Variants in LPA observed in about 807,000 individuals in gnomAD.
LPA encodes the protein lipoprotein(a), also known as apolipoprotein(a).
Under a neutral mutation model 197.9 loss-of-function variants are expected in LPA, and 199 were observed. The observed-to-expected ratio is 1.01, with a 90% confidence interval of 0.90 to 1.13. The LOEUF (loss-of-function observed/expected upper bound fraction) is 1.13, where lower values mean the gene tolerates loss of function less well. Among genes scored for constraint, LPA ranks in the 50% most tolerant of loss-of-function variants. The probability of loss-of-function intolerance (pLI) is 0.00; values close to 1 mark genes in which losing one functional copy is unlikely to be tolerated. For synonymous variants in LPA, 715 were observed against 639.5 expected (o/e 1.12, Z -1.78); for missense variants, 1,853 against 1,785.8 (o/e 1.04, Z -0.68).
In LPA at chr6:160,560,730, G is replaced by A. The variant is rs569633986; in HGVS notation, c.4632-3159C>T. Among the ~76,000 whole-genome samples, 15 of 150,926 alleles carry A rather than the reference G, an allele frequency of 9.9e-5. No homozygotes were observed. In the South Asian group the frequency reaches 2.9e-3, roughly 29 times the overall value. The stretch of plus-strand genomic sequence containing the variant: ...TAGACCACAGAATTTTTCTCCATAG[G>A]TTGCTTTTTCACTCTGATGAGAGTT... On this transcript the variant is annotated intron_variant, in intron 28 of 38. Transcript: ENST00000316300.
chr6:160,647,676 A>C (rs963423111), intron 2 of LPA, among the ~76,000 whole-genome samples: 9 of 152,180 alleles, frequency 5.9e-5, no homozygotes, highest in African/African-American at 2.2e-4. Flanking sequence ...CCCACACATT[A>C]ACCTTTTATT....
rs1422774406 is a variant in LPA at position 160,599,660 on chromosome 6, C to A, written c.3128-1G>T. The A allele has an allele frequency of 5.6e-6, 9 of 1,613,740 alleles. No individual in the cohort carries two copies. The Admixed American group carries it at 1.5e-4, about 27-fold the overall frequency. On this transcript the variant is annotated splice_acceptor_variant, in intron 19 of 38. Coordinates refer to ENST00000316300, the MANE Select transcript of LPA (RefSeq NM_005577.4). LOFTEE classifies it high-confidence loss of function. The stretch of plus-strand genomic sequence containing the variant: ...ACCCCGGGGGTTTCCTCAGTCAGTG[C>A]TGAAATTAAAACAGAAGACATCAAG...
At position 160,540,554 on chromosome 6, in the gene LPA, C is replaced by G. The variant is rs1777965025; in HGVS notation, c.5595-371G>C. Among the ~76,000 whole-genome samples the G allele has an allele frequency of 1.3e-5, 2 of 152,146 alleles. 1 individual carries two copies. Among genetic ancestry groups the G allele is most frequent in the South Asian group, 4.1e-4 (2 of 4,826 alleles). On this transcript the variant is annotated intron_variant, in intron 35 of 38. Coordinates refer to ENST00000316300, the MANE Select transcript of LPA (RefSeq NM_005577.4). ...CTCTCACTCTTAGTTCTTGCAAAGT[C>G]TGGTCATTTGGTATTGTGCAGCACC...
At chr6:160,608,405 A>T (rs189227376) in intron 16 of LPA, among the ~76,000 whole-genome samples, 1 of 152,154 alleles carries the variant, frequency 6.6e-6, no homozygotes, top group African/African-American at 2.4e-5. Context: ...CCACATTAAT[A>T]ACATTCCCGG....
In LPA at chr6:160,604,010, G is replaced by T. The variant is rs59760174; in HGVS notation, c.2945+1036C>A. ...TTGAGCTCACTGTTCAATCGCAGTTGCTATTCCTCAGGATATATTCTTTTC... is the reference window on the plus strand; with the variant it reads ...TTGAGCTCACTGTTCAATCGCAGTTTCTATTCCTCAGGATATATTCTTTTC... On this transcript the variant is annotated intron_variant, in intron 18 of 38. Transcript: ENST00000316300. 1.0e-2 allele frequency among the ~76,000 whole-genome samples: 1,518 copies of T among 152,254 alleles called. 23 individuals are homozygous for T. The highest frequency in any genetic ancestry group is 0.035 in the African/African-American group (1,438 of 41,546).
intron 16 of LPA, among the ~76,000 whole-genome samples, chr6:160,608,481 A>T (rs1779408205): frequency 6.6e-6 from 1 of 152,168 alleles, no homozygotes. Flanking sequence ...TTCTAGCAAG[A>T]AACAGCTTGT....
intron 7 of LPA, 51 bp downstream of exon 7, chr6:160,635,072 C>G (rs1219949032): frequency 9.1e-7 from 1 of 1,096,448 alleles, no homozygotes; most frequent in East Asian, 2.3e-5. Context: ...ATTTCCATGG[C>G]TTTTCATCCC....
chr6:160,560,998 C>T (rs113544935), intron 28 of LPA, among the ~76,000 whole-genome samples: 10 of 152,220 alleles, frequency 6.6e-5, no homozygotes, highest in African/African-American at 2.4e-4. Flanking sequence ...CAAGCTCAAC[C>T]TCCTCAGCTC....
intron 26 of LPA, among the ~76,000 whole-genome samples, chr6:160,584,238 TC>T (rs1171028288): frequency 8.5e-4 from 63 of 73,846 alleles, no homozygotes; most frequent in African/African-American, 2.5e-3. Context: ...TTCTTCTTCT[TC>T]CTCCTCCTCC....
intron 32 of LPA, 28 bp downstream of exon 32, chr6:160,547,760 GA>G: frequency 9.9e-6 from 16 of 1,613,868 alleles, no homozygotes; most frequent in Non-Finnish European, 1.4e-5. Flanking sequence ...TCAGCAAAGG[GA>G]AAAAGAGTCC....
At chr6:160,646,661 C>T (rs36115561) in intron 2 of LPA, among the ~76,000 whole-genome samples, 39,846 of 121,978 alleles carry the variant, frequency 0.33, 6,891 homozygotes, top group East Asian at 0.41. Flanking sequence ...AGATAACACA[C>T]ACACGTGGCC....
intron 28 of LPA, among the ~76,000 whole-genome samples, chr6:160,558,606 C>T (rs1778309279): frequency 6.6e-6 from 1 of 152,146 alleles, no homozygotes; most frequent in Non-Finnish European, 1.5e-5. Flanking sequence ...GCGGCAGCCA[C>T]TCCGAAACTG....
At chr6:160,604,973 C>T in intron 18 of LPA, 73 bp downstream of exon 18, 1 of 1,599,948 alleles carries the variant, frequency 6.3e-7, no homozygotes, top group Non-Finnish European at 8.5e-7. Flanking sequence ...GAACACTCAG[C>T]TTGAAGCATG....
At chr6:160,576,690 G>GTATATATA (rs71033585) in intron 28 of LPA, among the ~76,000 whole-genome samples, 190 of 76,594 alleles carry the variant, frequency 2.5e-3, no homozygotes, top group Admixed American at 3.2e-3. Flanking sequence ...GTGTGTGTGT[G>GTATATATA]TATATATATA....
intron 1 of LPA, among the ~76,000 whole-genome samples, chr6:160,659,263 C>T (rs1467791585): frequency 6.6e-6 from 1 of 152,134 alleles, no homozygotes; most frequent in Non-Finnish European, 1.5e-5. Flanking sequence ...ACACACTGGC[C>T]TCTTTTCCAT....
chr6:160,546,756 C>T (rs1233354661), intron 32 of LPA, among the ~76,000 whole-genome samples: 1 of 152,084 alleles, frequency 6.6e-6, no homozygotes, highest in Non-Finnish European at 1.5e-5. Flanking sequence ...AGGAGAAATC[C>T]CCCCATATCT....
chr6:160,549,205 T>C (rs1185037821), intron 30 of LPA, among the ~76,000 whole-genome samples: 1 of 152,130 alleles, frequency 6.6e-6, no homozygotes, highest in Non-Finnish European at 1.5e-5. Flanking sequence ...CCTTGACACA[T>C]GGGGATTATC....
At chr6:160,610,900 C>T (rs1779490056) in intron 16 of LPA, among the ~76,000 whole-genome samples, 2 of 152,120 alleles carry the variant, frequency 1.3e-5, no homozygotes, top group South Asian at 4.1e-4. Context: ...TTTTCCATGT[C>T]TTTGGTTGTT....
At position 160,650,372 on chromosome 6, in the gene LPA, G is replaced by A; in HGVS notation, c.175C>T (p.Gln59Ter). The A allele has an allele frequency of 6.2e-7, 1 of 1,613,856 alleles. No individual in the cohort carries two copies. Among genetic ancestry groups the A allele is most frequent in the East Asian group, 2.2e-5 (1 of 44,864 alleles). Reference sequence around the variant, plus strand: ...TAGTTTTCTGTGGTCCTATTATGTTGATGTGGTGTCATAGATGACCAAGCT... The same window carrying A: ...TAGTTTTCTGTGGTCCTATTATGTTAATGTGGTGTCATAGATGACCAAGCT... ...CQAWSSMTPH[Q>*]HNRTTENYPN... The change falls in exon 2 of 39, where the codon CAA becomes TAA. Residue 59 changes from glutamine (Q) to a stop codon, truncating the protein, a stop_gained. Coordinates refer to ENST00000316300, the MANE Select transcript of LPA (RefSeq NM_005577.4). LOFTEE classifies it high-confidence loss of function.
Sources: gnomAD v4.1 joint callset for allele counts (sites outside exome capture counted in the v4.1 genomes callset) on GRCh38, gnomAD v4.1.1 for gene constraint, MANE v1.5 for transcripts, NCBI Gene and HGNC (gene_info 2026-07-23, HGNC 2026-07-21) for gene names.